GLI2: variants seen among roughly 807,000 people sequenced by gnomAD.
The protein encoded by GLI2 is GLI family zinc finger 2, also known as transcription activator GLI2.
A neutral mutation model predicts 78.9 loss-of-function variants in GLI2; 22 were observed. The observed-to-expected ratio is 0.28, with a 90% CI of 0.20 to 0.40. The LOEUF is 0.40. Among genes scored for constraint, GLI2 ranks in the 10% least tolerant of loss-of-function variants. GLI2 has a pLI of 1.00. For synonymous variants in GLI2, 974 were observed against 963.7 expected, an observed-to-expected ratio of 1.01 and a Z score of -0.20; for missense variants, 2,097 against 2,213.2, an observed-to-expected ratio of 0.95 and a Z score of 1.05.
chr2:120,924,564 T>C lies in GLI2; in HGVS notation c.149-2797T>C, dbSNP rs796818020. Among the ~76,000 whole-genome samples the C allele has an allele frequency of 4.9e-4, 43 of 87,438 alleles. 1 individual carries two copies. The highest frequency in any genetic ancestry group is 1.2e-3 in the African/African-American group (25 of 21,390). 57.4% of individuals were successfully genotyped at this position (87,438 alleles called of 152,430 possible). A position where few individuals can be genotyped will look rare whatever the true frequency, so the allele number is the denominator to read the frequency against. On this transcript the variant is annotated intron_variant, in intron 2 of 13. Coordinates refer to ENST00000361492, the MANE Select transcript of GLI2 (RefSeq NM_001374353.1). Reference sequence around the variant, plus strand: ...AAATACACACACACACACACACACATACACACACAACCATTTTTATTTTGT... The same window carrying C: ...AAATACACACACACACACACACACACACACACACAACCATTTTTATTTTGT...
At chr2:120,821,496 G>C (rs73949930) in intron 2 of GLI2, among the ~76,000 whole-genome samples, 2 of 152,170 alleles carry the variant, frequency 1.3e-5, no homozygotes. Flanking sequence ...TCAAATCCTC[G>C]GATGGGCTTG....
At chr2:120,958,075 C>T (rs1041046094) in intron 5 of GLI2, among the ~76,000 whole-genome samples, 6 of 152,304 alleles carry the variant, frequency 3.9e-5, no homozygotes, top group South Asian at 2.1e-4. Context: ...AGTAGTACAG[C>T]GAGCTCCAGG....
chr2:120,747,498 A>C (rs1353537151), intron 1 of GLI2, among the ~76,000 whole-genome samples: 1 of 152,196 alleles, frequency 6.6e-6, no homozygotes, highest in East Asian at 1.9e-4. Flanking sequence ...GGTTTGCCTC[A>C]AACAAGGGCT....
intron 2 of GLI2, among the ~76,000 whole-genome samples, chr2:120,911,111 T>A (rs968271572): frequency 5.3e-5 from 8 of 152,072 alleles, no homozygotes; most frequent in Non-Finnish European, 1.0e-4. Flanking sequence ...ACCTGGGCCT[T>A]CCCCCGGCCT....
chr2:120,989,614 T>C lies in GLI2; in HGVS notation c.3649T>C (p.Cys1217Arg), dbSNP rs1683187062. 1 of 1,612,658 alleles carries C rather than the reference T, an allele frequency of 6.2e-7. No homozygotes were observed. The highest frequency in any genetic ancestry group is 1.7e-5 in the Admixed American group (1 of 59,976). ...GCGACAGCCAGTGGCAGGCAGCCAG[T>C]GTCCTGGCATGACTACCACTATGAG... The part of the protein sequence containing the change: ...QLRQPVAGSQ[C>R]PGMTTTMSPH... The change falls in exon 14 of 14, where the codon TGT becomes CGT. Residue 1217 changes from cysteine (C) to arginine (R), a missense_variant. By Grantham distance (180) the Cys-to-Arg change is radical. Around this residue, in one of 5 missense-constraint regions of GLI2, gnomAD observed 1,290 missense variants for 1,261.7 expected, o/e 1.02. Transcript: ENST00000361492.
intron 1 of GLI2, among the ~76,000 whole-genome samples, chr2:120,740,443 A>G (rs1682496412): frequency 6.6e-6 from 1 of 152,024 alleles, no homozygotes; most frequent in Admixed American, 6.6e-5. Context: ...TGTTTAAAAA[A>G]AAAAAAACAG....
chr2:120,959,150 G>A (rs752325428), intron 5 of GLI2, among the ~76,000 whole-genome samples: 4 of 152,172 alleles, frequency 2.6e-5, no homozygotes, highest in Non-Finnish European at 4.4e-5. Flanking sequence ...GCAGAGGAGT[G>A]CAGAGGTGAG....
chr2:120,934,728 C>T (rs987895345), intron 3 of GLI2, among the ~76,000 whole-genome samples: 1 of 152,156 alleles, frequency 6.6e-6, no homozygotes, highest in Admixed American at 6.5e-5. Flanking sequence ...TGAAGCCCCA[C>T]TTGGTCCCCG....
intron 2 of GLI2, among the ~76,000 whole-genome samples, chr2:120,914,513 A>G (rs1296506836): frequency 6.6e-6 from 1 of 152,200 alleles, no homozygotes; most frequent in Non-Finnish European, 1.5e-5. Context: ...ACCTTAAGCA[A>G]GCTTGACCAG....
At chr2:120,826,976 G>A (rs528955054) in intron 2 of GLI2, among the ~76,000 whole-genome samples, 1 of 152,310 alleles carries the variant, frequency 6.6e-6, no homozygotes, top group African/African-American at 2.4e-5. Flanking sequence ...CCCGGGACAA[G>A]TGGGGCTCCC....
rs184128722 is a variant in GLI2, at chr2:120,847,827, C to A, written c.148+50359C>A. On this transcript the variant is annotated intron_variant, in intron 2 of 13. Transcript: ENST00000361492. ...TAATACAGCTGAGGCCAAGACCCAGCGTGGAGCCTACGACTGCAGCTGGAT... is the reference window on the plus strand; with the variant it reads ...TAATACAGCTGAGGCCAAGACCCAGAGTGGAGCCTACGACTGCAGCTGGAT... Among the ~76,000 whole-genome samples the A allele has an allele frequency of 6.4e-4, 97 of 152,230 alleles. 1 individual carries two copies. The highest frequency in any genetic ancestry group is 1.7e-3 in the African/African-American group (72 of 41,526).
chr2:120,985,227 G>A (rs1682916578), intron 12 of GLI2, among the ~76,000 whole-genome samples: 1 of 152,232 alleles, frequency 6.6e-6, no homozygotes, highest in Non-Finnish European at 1.5e-5. Flanking sequence ...AGCTGGGCAT[G>A]TGTGGGTGGG....
At chr2:120,980,878 G>T (rs1240798434) in intron 10 of GLI2, among the ~76,000 whole-genome samples, 1 of 151,466 alleles carries the variant, frequency 6.6e-6, no homozygotes, top group Non-Finnish European at 1.5e-5. Flanking sequence ...GATCCATTTG[G>T]AGTTAATTTT....
chr2:120,922,060 T>C (rs1449079200), intron 2 of GLI2, among the ~76,000 whole-genome samples: 1 of 152,194 alleles, frequency 6.6e-6, no homozygotes, highest in Non-Finnish European at 1.5e-5. Context: ...GTTATAAATA[T>C]GTTTGCTGAC....
intron 2 of GLI2, among the ~76,000 whole-genome samples, chr2:120,921,266 G>A (rs1162788693): frequency 2.0e-5 from 3 of 151,708 alleles, no homozygotes; most frequent in African/African-American, 7.3e-5. Context: ...ATGTGTGTTG[G>A]TGGGGGGTGT....
Position 120,990,073 on chromosome 2 carries a change from C to T in GLI2, c.4108C>T (p.Arg1370Cys), listed in dbSNP as rs763628436. 9.4e-6 allele frequency: 15 copies of T among 1,598,516 alleles called. No individual in the cohort carries two copies. The highest frequency in any genetic ancestry group is 5.6e-5 in the South Asian group (5 of 89,078). The change falls in exon 14 of 14, where the codon CGT (arginine) becomes TGT (cysteine). Residue 1370 changes from arginine (R) to cysteine (C), a missense_variant. Transcript: ENST00000361492. ...PSPTGRHRGVRAVQQQLAYAR... is the reference protein window; with the variant it reads ...PSPTGRHRGVCAVQQQLAYAR... ...CCCCACTGGCCGCCACCGTGGGGTA[C>T]GTGCTGTGCAGCAGCAGCTGGCCTA...
intron 1 of GLI2, among the ~76,000 whole-genome samples, chr2:120,786,704 T>TCCA: frequency 6.6e-6 from 1 of 152,180 alleles, no homozygotes; most frequent in East Asian, 1.9e-4. Flanking sequence ...TATGCAGTGC[T>TCCA]GGCAAACACT....
intron 2 of GLI2, among the ~76,000 whole-genome samples, chr2:120,910,738 G>A (rs562915098): frequency 2.9e-4 from 44 of 152,342 alleles, no homozygotes; most frequent in African/African-American, 9.6e-4. Context: ...GTTATTAGCA[G>A]CCACCAGGAA....
At chr2:120,838,269 CAT>C (rs1012823831) in intron 2 of GLI2, among the ~76,000 whole-genome samples, 2 of 152,050 alleles carry the variant, frequency 1.3e-5, no homozygotes, top group South Asian at 2.1e-4. Flanking sequence ...TATACACACA[CAT>C]ATATATATGT....
Sources: allele counts gnomAD v4.1 joint callset (sites outside exome capture counted in the v4.1 genomes callset), GRCh38; gene constraint gnomAD v4.1.1; regional missense constraint gnomAD v4.1.1; transcripts MANE v1.5; gene names NCBI Gene and HGNC (gene_info 2026-07-23, HGNC 2026-07-21).